PTPRD: variants seen among roughly 807,000 people sequenced by gnomAD.
PTPRD encodes protein tyrosine phosphatase receptor type D.
PTPRD carries 34 observed loss-of-function variants against 214.5 expected under a neutral mutation model. That is an observed-to-expected ratio of 0.16 (90% CI 0.12 to 0.21). The LOEUF is 0.21. Ranked by LOEUF, PTPRD falls within the 10% of genes least tolerant of loss-of-function variation. PTPRD has a pLI of 1.00. For synonymous variants in PTPRD, 1,128 were observed against 845.7 expected (o/e 1.33, Z -5.79); for missense variants, 2,545 against 2,398.7 (o/e 1.06, Z -1.27).
chr9:8,587,685 T>C (rs1182736883), intron 14 of PTPRD, among the ~76,000 whole-genome samples: 2 of 152,196 alleles, frequency 1.3e-5, no homozygotes, highest in Non-Finnish European at 1.5e-5. Flanking sequence ...GTATGAAATA[T>C]CTGACCTCAA....
intron 10 of PTPRD, among the ~76,000 whole-genome samples, chr9:9,106,110 T>G (rs2099798182): frequency 6.6e-6 from 1 of 152,134 alleles, no homozygotes; most frequent in African/African-American, 2.4e-5. Flanking sequence ...AGCAAGAGCT[T>G]CGTAGGAAAC....
intron 11 of PTPRD, among the ~76,000 whole-genome samples, chr9:8,929,695 A>ATATATATGTG (rs2098931118): frequency 9.2e-6 from 1 of 109,232 alleles, no homozygotes; most frequent in African/African-American, 3.0e-5. Context: ...ATATGTGTAT[A>ATATATATGTG]TATATATGTG....
chr9:9,076,052 C>A (rs2099750691), intron 10 of PTPRD, among the ~76,000 whole-genome samples: 1 of 152,172 alleles, frequency 6.6e-6, no homozygotes, highest in South Asian at 2.1e-4. Flanking sequence ...TCCTATTTCT[C>A]TACATCCTCT....
At chr9:10,291,358 C>T (rs577367083) in intron 3 of PTPRD, among the ~76,000 whole-genome samples, 10 of 152,168 alleles carry the variant, frequency 6.6e-5, no homozygotes, top group African/African-American at 2.2e-4. Flanking sequence ...CCTTGACATC[C>T]TAATCCTTGA....
At chr9:8,647,825 C>A (rs1317807324) in intron 12 of PTPRD, among the ~76,000 whole-genome samples, 1 of 152,106 alleles carries the variant, frequency 6.6e-6, no homozygotes, top group Non-Finnish European at 1.5e-5. Context: ...TATCCACTGT[C>A]CAAAATAATG....
At chr9:10,246,662 C>A (rs774634465) in intron 3 of PTPRD, among the ~76,000 whole-genome samples, 25 of 152,022 alleles carry the variant, frequency 1.6e-4, no homozygotes, top group Non-Finnish European at 2.4e-4. Context: ...GAAAAGGAAA[C>A]CTAAGTACAC....
chr9:9,581,881 T>A (rs1324784352), intron 7 of PTPRD, among the ~76,000 whole-genome samples: 2 of 152,268 alleles, frequency 1.3e-5, no homozygotes, highest in Non-Finnish European at 2.9e-5. Flanking sequence ...ACTAAACAAT[T>A]ATTTACCAGC....
At chr9:9,415,053 C>G (rs921591085) in intron 8 of PTPRD, among the ~76,000 whole-genome samples, 4 of 152,088 alleles carry the variant, frequency 2.6e-5, no homozygotes, top group African/African-American at 9.7e-5. Context: ...TGAACTGGAC[C>G]TAATTACGTA....
chr9:10,086,749 A>T (rs188629740), intron 3 of PTPRD, among the ~76,000 whole-genome samples: 8 of 151,918 alleles, frequency 5.3e-5, no homozygotes, highest in Admixed American at 2.0e-4. Flanking sequence ...AATGAAACAA[A>T]AATGCAAACA....
chr9:9,244,711 A>G (rs1205164213), intron 9 of PTPRD, among the ~76,000 whole-genome samples: 2 of 152,160 alleles, frequency 1.3e-5, no homozygotes, highest in Non-Finnish European at 1.5e-5. Flanking sequence ...AATACCATTC[A>G]GGACATAGGC....
intron 2 of PTPRD, among the ~76,000 whole-genome samples, chr9:10,361,727 G>A (rs2154471091): frequency 6.6e-6 from 1 of 152,232 alleles, no homozygotes; most frequent in Non-Finnish European, 1.5e-5. Flanking sequence ...GTTAGGTATT[G>A]AATAGTATTA....
At chr9:10,527,180 T>A (rs759211280) in intron 2 of PTPRD, among the ~76,000 whole-genome samples, 1 of 152,116 alleles carries the variant, frequency 6.6e-6, no homozygotes, top group Non-Finnish European at 1.5e-5. Flanking sequence ...TTAAATTGAT[T>A]TCAGGCTTTG....
chr9:8,512,332 G>C (rs1592414439), intron 21 of PTPRD, among the ~76,000 whole-genome samples: 1 of 151,962 alleles, frequency 6.6e-6, no homozygotes, highest in African/African-American at 2.4e-5. Context: ...ATTCTCAACA[G>C]TCATTAAATA....
chr9:9,613,763 G>T (rs1246528859), intron 7 of PTPRD, among the ~76,000 whole-genome samples: 1 of 152,138 alleles, frequency 6.6e-6, no homozygotes, highest in Non-Finnish European at 1.5e-5. Context: ...TAGTCTACTA[G>T]GAGCCTGTAT....
chr9:9,028,649 A>G (rs1211082531), intron 10 of PTPRD, among the ~76,000 whole-genome samples: 1 of 151,912 alleles, frequency 6.6e-6, no homozygotes, highest in Non-Finnish European at 1.5e-5. Flanking sequence ...ACATTATGCT[A>G]AGTGATATGA....
At position 9,284,305 on chromosome 9, in the gene PTPRD, T is replaced by A. The variant is rs62535766; in HGVS notation, c.-202-100942A>T. On this transcript the variant is annotated intron_variant, in intron 9 of 45. Coordinates refer to ENST00000381196, the MANE Select transcript of PTPRD (RefSeq NM_002839.4). ...TTTGTTGGTTTTTATTATCCCATCA[T>A]CTGGATTTAAAGGCAACTTTAAAAC... is the stretch of plus-strand genomic sequence containing the variant. Among the ~76,000 whole-genome samples the A allele has an allele frequency of 3.2e-4, 49 of 151,676 alleles. 2 individuals are homozygous for A. The East Asian group carries it at 7.3e-3, about 22-fold the overall frequency.
intron 6 of PTPRD, among the ~76,000 whole-genome samples, chr9:9,736,394 C>T (rs984797279): frequency 6.6e-6 from 1 of 151,930 alleles, no homozygotes; most frequent in Non-Finnish European, 1.5e-5. Context: ...CTATAGTATT[C>T]CATTGGATAA....
At chr9:10,041,898 G>A (rs535281476) in intron 3 of PTPRD, among the ~76,000 whole-genome samples, 5 of 152,000 alleles carry the variant, frequency 3.3e-5, no homozygotes, top group African/African-American at 4.8e-5. Context: ...GATCTCATCT[G>A]CTCATGGCAA....
At chr9:9,991,327 T>C (rs1291349655) in intron 4 of PTPRD, among the ~76,000 whole-genome samples, 2 of 151,820 alleles carry the variant, frequency 1.3e-5, no homozygotes, top group African/African-American at 4.8e-5. Context: ...AAAACAAACA[T>C]TAAAATTCAG....
Sources: allele counts gnomAD v4.1 joint callset (sites outside exome capture counted in the v4.1 genomes callset), GRCh38; gene constraint gnomAD v4.1.1; transcripts MANE v1.5; gene names NCBI Gene and HGNC (gene_info 2026-07-23, HGNC 2026-07-21).